The following STK39 variants were observed in gnomAD, a reference collection of about 807,000 sequenced individuals.
STK39 encodes STE20/SPS1-related proline-alanine-rich protein kinase.
In STK39, 20 loss-of-function variants were observed where a neutral mutation model predicts 77.8. The observed-to-expected ratio is 0.26, with a 90% confidence interval of 0.18 to 0.37. The LOEUF (loss-of-function observed/expected upper bound fraction) is 0.37. Among genes scored for constraint, STK39 ranks in the 10% least tolerant of loss-of-function variants. The pLI, the probability that STK39 is intolerant of heterozygous loss-of-function variation, is 1.00. For missense variants in STK39, 479 were observed against 656.5 expected, an observed-to-expected ratio of 0.73 and a Z score of 2.95; for synonymous variants, 246 against 234.1, an observed-to-expected ratio of 1.05 and a Z score of -0.47.
In STK39 at chr2:168,221,986, A is replaced by G. The variant is rs116840402; in HGVS notation, c.208+25242T>C. On this transcript the variant is annotated intron_variant, in intron 1 of 17. Transcript: ENST00000355999. Reference sequence around the variant, plus strand: ...TAAGTATGGTTCCACTTTCTCTAACATGGAAGGAAGAACTTTCCTAACCCA... The same window carrying G: ...TAAGTATGGTTCCACTTTCTCTAACGTGGAAGGAAGAACTTTCCTAACCCA... Among the ~76,000 whole-genome samples the G allele has an allele frequency of 3.4e-3, 516 of 152,264 alleles. 7 individuals are homozygous for G. Among genetic ancestry groups the G allele is most frequent in the African/African-American group, 0.012 (496 of 41,520 alleles).
At chr2:168,148,270 G>A (rs3754783) in intron 5 of STK39, among the ~76,000 whole-genome samples, 36,896 of 152,034 alleles carry the variant, frequency 0.24, 6,286 homozygotes, top group African/African-American at 0.46. Context: ...AGAGGAAATA[G>A]GCACAACTTT....
chr2:167,974,674 A>C (rs2105257365), intron 16 of STK39, among the ~76,000 whole-genome samples: 1 of 152,296 alleles, frequency 6.6e-6, no homozygotes, highest in Middle Eastern at 3.4e-3. Context: ...TAACTATTTA[A>C]AGTCATTTCC....
chr2:168,123,563 A>G (rs949282075), intron 10 of STK39, among the ~76,000 whole-genome samples: 1 of 152,124 alleles, frequency 6.6e-6, no homozygotes, highest in African/African-American at 2.4e-5. Flanking sequence ...GTCTGAAATT[A>G]TTTCATAAGA....
chr2:168,073,868 T>A (rs1254819001), intron 12 of STK39, among the ~76,000 whole-genome samples: 2 of 152,132 alleles, frequency 1.3e-5, no homozygotes, highest in African/African-American at 2.4e-5. Flanking sequence ...TCCACCCGAC[T>A]CGGCCTCCAA....
chr2:168,057,218 AG>A (rs1163755110), intron 14 of STK39, among the ~76,000 whole-genome samples: 1 of 152,194 alleles, frequency 6.6e-6, no homozygotes, highest in Non-Finnish European at 1.5e-5. Flanking sequence ...TTTGAGACAG[AG>A]TCTCGCTCTG....
chr2:168,009,504 G>A (rs570827802), intron 16 of STK39, among the ~76,000 whole-genome samples: 1 of 152,142 alleles, frequency 6.6e-6, no homozygotes, highest in African/African-American at 2.4e-5. Flanking sequence ...TGTCAACATT[G>A]GGGAGTCAAC....
At chr2:168,209,830 C>A (rs948483189) in intron 1 of STK39, among the ~76,000 whole-genome samples, 7 of 152,062 alleles carry the variant, frequency 4.6e-5, no homozygotes, top group Non-Finnish European at 7.4e-5. Flanking sequence ...GAAACCCAGT[C>A]TCTATTAAAA....
intron 10 of STK39, among the ~76,000 whole-genome samples, chr2:168,127,528 AGGAAAGTATGGGTTACACAGT>A (rs1687574668): frequency 6.6e-6 from 1 of 152,212 alleles, no homozygotes; most frequent in African/African-American, 2.4e-5. Flanking sequence ...AAAGCTCCAA[AGGAAAGTATGGGTTACACAGT>A]GGGAAGCACA....
chr2:168,078,148 AG>A (rs1266452012), intron 10 of STK39, among the ~76,000 whole-genome samples: 11 of 152,258 alleles, frequency 7.2e-5, no homozygotes, highest in Admixed American at 7.2e-4. Context: ...TGATACCTAA[AG>A]GAATTCATAA....
rs551544145 is a variant in STK39 at position 168,214,821 on chromosome 2, T to C, written c.208+32407A>G. ...AAAAAGGTCCTGCCCAGACCACTGA[T>C]AACTGTGTGCCACGAACTGAGGTAA... On this transcript the variant is annotated intron_variant, in intron 1 of 17. Transcript: ENST00000355999. Among the ~76,000 whole-genome samples the C allele has an allele frequency of 3.3e-5, 5 of 152,352 alleles. 1 individual carries two copies. Among genetic ancestry groups the C allele is most frequent in the African/African-American group, 1.2e-4 (5 of 41,588 alleles).
At position 167,984,937 on chromosome 2, in the gene STK39, C is replaced by T. The variant is rs115410927; in HGVS notation, c.1499-20211G>A. On this transcript the variant is annotated intron_variant, in intron 16 of 17. Transcript: ENST00000355999. ...AACACCATCCACATAAAATGATGTT[C>T]TCACATAGAATGTAAAAAAAACTAA... is the stretch of plus-strand genomic sequence containing the variant. 4.8e-3 allele frequency among the ~76,000 whole-genome samples: 735 copies of T among 152,278 alleles called. 1 individual carries two copies. The highest frequency in any genetic ancestry group is 8.6e-3 in the Non-Finnish European group (587 of 68,024).
chr2:168,095,626 T>TTTC (rs1553522214), intron 10 of STK39, among the ~76,000 whole-genome samples: 16 of 146,154 alleles, frequency 1.1e-4, no homozygotes, highest in Non-Finnish European at 1.2e-4. Context: ...TCTCTTTCTT[T>TTTC]TTTTTTTTTT....
In STK39 at chr2:168,173,263, G is replaced by T. The variant is rs188303476; in HGVS notation, c.322-5856C>A. Among the ~76,000 whole-genome samples the T allele has an allele frequency of 6.8e-3, 1,039 of 152,268 alleles. 13 individuals carry two copies. The highest frequency in any genetic ancestry group is 0.023 in the African/African-American group (974 of 41,536). ...ATGCAATACCCTCGAAACATTTAAA[G>T]AATTCTTTAAATGGTATAGGAGTAA... On this transcript the variant is annotated intron_variant, in intron 2 of 17. Coordinates refer to ENST00000355999, the MANE Select transcript of STK39 (RefSeq NM_013233.3).
chr2:168,059,173 G>A (rs1399261531), intron 14 of STK39, among the ~76,000 whole-genome samples: 1 of 152,146 alleles, frequency 6.6e-6, no homozygotes, highest in African/African-American at 2.4e-5. Flanking sequence ...TTTATTTGGA[G>A]AGGCCTTCTG....
Position 168,109,291 on chromosome 2 carries a change from T to A in STK39, c.1089+20250A>T, listed in dbSNP as rs1253957610. 4.6e-5 allele frequency among the ~76,000 whole-genome samples: 7 copies of A among 152,196 alleles called. No homozygotes were observed. In the East Asian group the frequency reaches 1.3e-3, roughly 29 times the overall value. ...TAAAAAATATCATCTCAAATGTATATCCTAAAATAGGACATCACTTAGTGT... is the reference window on the plus strand; with the variant it reads ...TAAAAAATATCATCTCAAATGTATAACCTAAAATAGGACATCACTTAGTGT... On this transcript the variant is annotated intron_variant, in intron 10 of 17. Coordinates refer to ENST00000355999, the MANE Select transcript of STK39 (RefSeq NM_013233.3).
chr2:168,210,062 G>GAAGA lies in STK39; in HGVS notation c.209-27973_209-27972insTCTT, dbSNP rs1553542125. Among the ~76,000 whole-genome samples, 120 of 148,570 alleles carry GAAGA rather than the reference G, an allele frequency of 8.1e-4. No homozygotes were observed. The Middle Eastern group carries it at 0.011, about 13-fold the overall frequency. Reference sequence around the variant, plus strand: ...GGAAGGAAGGAAGGAAGGAAGGAAGGAAGGAAGGAAGGAAGGAAGAAAGAA... The same window carrying GAAGA: ...GGAAGGAAGGAAGGAAGGAAGGAAGGAAGAAAGGAAGGAAGGAAGGAAGAAAGAA... On this transcript the variant is annotated intron_variant, in intron 1 of 17. Coordinates refer to ENST00000355999, the MANE Select transcript of STK39 (RefSeq NM_013233.3).
In STK39 at chr2:167,958,822, G is replaced by A. The variant is rs543918695; in HGVS notation, c.1564-3252C>T. 2.0e-5 allele frequency among the ~76,000 whole-genome samples: 3 copies of A among 152,240 alleles called. No homozygotes were observed. The East Asian group carries it at 5.8e-4, about 29-fold the overall frequency. ...TACCCTGTTACCTTAAAATCTATTGGTCTACCTTGCACTTTGAGTGGATCT... is the reference window on the plus strand; with the variant it reads ...TACCCTGTTACCTTAAAATCTATTGATCTACCTTGCACTTTGAGTGGATCT... On this transcript the variant is annotated intron_variant, in intron 17 of 17. Transcript: ENST00000355999.
Position 168,075,186 on chromosome 2 carries a change from C to G in STK39, c.1135G>C (p.Asp379His). ...GSSGHLHKTE[D>H]GDWEWSDDEM... is the part of the protein sequence containing the mutation. Reference sequence around the variant, plus strand: ...TCGTCACTCCACTCCCAGTCCCCGTCTTCGGTTTTATGAAGGTGACCACTT... The same window carrying G: ...TCGTCACTCCACTCCCAGTCCCCGTGTTCGGTTTTATGAAGGTGACCACTT... The change falls in exon 11 of 18, where the codon GAC (aspartate) becomes CAC (histidine). Residue 379 changes from aspartate to histidine, a missense_variant. By Grantham distance (81) the Asp-to-His change is moderately conservative (BLOSUM62 -1). Transcript: ENST00000355999. 1 of 1,614,172 alleles carries G rather than the reference C, an allele frequency of 6.2e-7. No individual in the cohort carries two copies.
At chr2:168,174,995 C>T (rs564076246) in intron 2 of STK39, among the ~76,000 whole-genome samples, 2 of 152,230 alleles carry the variant, frequency 1.3e-5, no homozygotes, top group Admixed American at 1.3e-4. Flanking sequence ...TGTAATGTGT[C>T]TTCTTTTTGT....
Sources: allele counts gnomAD v4.1 joint callset (sites outside exome capture counted in the v4.1 genomes callset), GRCh38; gene constraint gnomAD v4.1.1; transcripts MANE v1.5; gene names NCBI Gene and HGNC (gene_info 2026-07-23, HGNC 2026-07-21).